TTC7B: variants seen among roughly 807,000 people sequenced by gnomAD.
The protein encoded by TTC7B is tetratricopeptide repeat domain 7B.
TTC7B carries 28 observed loss-of-function variants against 106.8 expected under a neutral mutation model. That is an observed-to-expected ratio of 0.26 (90% CI 0.19 to 0.36). TTC7B has a LOEUF of 0.36. Ranked by LOEUF, TTC7B falls within the 10% of genes least tolerant of loss-of-function variation. The pLI, the probability that TTC7B is intolerant of heterozygous loss-of-function variation, is 1.00. For missense variants in TTC7B, 862 were observed against 1,076.4 expected, an observed-to-expected ratio of 0.80 and a Z score of 2.79; for synonymous variants, 405 against 430.6, an observed-to-expected ratio of 0.94 and a Z score of 0.74.
chr14:90,699,873 C>T (rs1887917325), intron 5 of TTC7B, among the ~76,000 whole-genome samples: 1 of 152,194 alleles, frequency 6.6e-6, no homozygotes, highest in African/African-American at 2.4e-5. Context: ...GATGGCTTCA[C>T]ATCCCCACAA....
intron 19 of TTC7B, among the ~76,000 whole-genome samples, chr14:90,555,828 C>A (rs1890276254): frequency 6.6e-6 from 1 of 152,244 alleles, no homozygotes; most frequent in South Asian, 2.1e-4. Flanking sequence ...CGAAGGCAAG[C>A]TGAGAGCTGC....
At chr14:90,765,731 G>C (rs1890653444) in intron 3 of TTC7B, among the ~76,000 whole-genome samples, 1 of 152,174 alleles carries the variant, frequency 6.6e-6, no homozygotes, top group Non-Finnish European at 1.5e-5. Context: ...CAAATATAAA[G>C]CTTGCAGGAG....
At chr14:90,760,359 T>G (rs1350168520) in intron 3 of TTC7B, among the ~76,000 whole-genome samples, 1 of 152,088 alleles carries the variant, frequency 6.6e-6, no homozygotes, top group Non-Finnish European at 1.5e-5. Flanking sequence ...TCTGCAGAGG[T>G]GCATGCCATA....
intron 15 of TTC7B, among the ~76,000 whole-genome samples, chr14:90,641,932 T>TGC (rs67276326): frequency 2.3e-5 from 3 of 131,376 alleles, no homozygotes; most frequent in African/African-American, 1.1e-4. Context: ...TGTGTGTGTG[T>TGC]GCGTGTGTGT....
intron 7 of TTC7B, among the ~76,000 whole-genome samples, chr14:90,688,501 T>C (rs1007785075): frequency 5.9e-5 from 9 of 151,988 alleles, no homozygotes; most frequent in South Asian, 2.1e-4. Context: ...CACGCACCTG[T>C]AGTCCCAGCT....
intron 1 of TTC7B, among the ~76,000 whole-genome samples, chr14:90,815,106 A>G (rs1960297874): frequency 6.6e-6 from 1 of 152,236 alleles, no homozygotes; most frequent in South Asian, 2.1e-4. Context: ...CAGCCCCGCC[A>G]TCCATTCATT....
Position 90,691,139 on chromosome 14 carries a change from C to T in TTC7B, c.778-1427G>A, listed in dbSNP as rs186469151. 3.8e-3 allele frequency among the ~76,000 whole-genome samples: 578 copies of T among 152,074 alleles called. 2 individuals carry two copies. Among genetic ancestry groups the T allele is most frequent in the Middle Eastern group, 6.8e-3 (2 of 292 alleles). ...GACTTTTGCTGGAAACTTCAACTGGCAAAAATAACTTCCACTCACTATAGC... is the reference window on the plus strand; with the variant it reads ...GACTTTTGCTGGAAACTTCAACTGGTAAAAATAACTTCCACTCACTATAGC... On this transcript the variant is annotated intron_variant, in intron 6 of 19. Coordinates refer to ENST00000328459, the MANE Select transcript of TTC7B (RefSeq NM_001010854.2).
chr14:90,603,354 G>GA (rs1165687955), intron 17 of TTC7B: 45 of 1,232,880 alleles, frequency 3.6e-5, no homozygotes, highest in Non-Finnish European at 4.7e-5. Flanking sequence ...CAAAACATTT[G>GA]AAAAATCAAA....
At chr14:90,810,848 C>T (rs1161606078) in intron 1 of TTC7B, among the ~76,000 whole-genome samples, 1 of 152,212 alleles carries the variant, frequency 6.6e-6, no homozygotes, top group African/African-American at 2.4e-5. Flanking sequence ...GGCTTTTGAT[C>T]TGCAGAGAGG....
In TTC7B at chr14:90,814,353, T is replaced by C. The variant is rs10146001; in HGVS notation, c.121+1822A>G. ...ATCTGCCTGTCATTCTCAATCACATTAACTCATCTGTTTTGTTTCAATCAC... is the reference window on the plus strand; with the variant it reads ...ATCTGCCTGTCATTCTCAATCACATCAACTCATCTGTTTTGTTTCAATCAC... On this transcript the variant is annotated intron_variant, in intron 1 of 19. Transcript: ENST00000328459. Among the ~76,000 whole-genome samples the C allele has an allele frequency of 8.7e-3, 1,328 of 152,292 alleles. 22 individuals are homozygous for C. The highest frequency in any genetic ancestry group is 0.03 in the African/African-American group (1,251 of 41,544).
At position 90,742,246 on chromosome 14, in the gene TTC7B, CCTTT is replaced by C. The variant is rs1042393712; in HGVS notation, c.576+2542_576+2545del. On this transcript the variant is annotated intron_variant, in intron 4 of 19. Coordinates refer to ENST00000328459, the MANE Select transcript of TTC7B (RefSeq NM_001010854.2). This position sits in a 1 kb window ranked among gnomAD's most constrained non-coding sequence, Gnocchi z 4.1. ...CGTTTCGTTCGCTTCTTTCTTTCTTCCTTTCTTTCTTTTTTTTCTTTTGTTTCTC... is the reference window on the plus strand; with the variant it reads ...CGTTTCGTTCGCTTCTTTCTTTCTTCCTTTCTTTTTTTTCTTTTGTTTCTC... 1.9e-4 allele frequency among the ~76,000 whole-genome samples: 29 copies of C among 151,064 alleles called. No homozygotes were observed. The highest frequency in any genetic ancestry group is 4.1e-4 in the African/African-American group (17 of 41,410).
At position 90,546,488 on chromosome 14, in the gene TTC7B, C is replaced by T. The variant is rs1050561614; in HGVS notation, c.2311-4899G>A. Among the ~76,000 whole-genome samples the T allele has an allele frequency of 5.3e-5, 8 of 152,232 alleles. No homozygotes were observed. The South Asian group carries it at 6.2e-4, about 12-fold the overall frequency. ...TGTCAGCCAACGTGTTTCTGCAGGA[C>T]GCAGCCCCAGCCCCCTCCTGCCTCC... On this transcript the variant is annotated intron_variant, in intron 19 of 19. Transcript: ENST00000328459.
In TTC7B at chr14:90,805,045, G is replaced by T. The variant is rs1273345125; in HGVS notation, c.121+11130C>A. Among the ~76,000 whole-genome samples the T allele has an allele frequency of 6.6e-6, 1 of 152,150 alleles. No individual in the cohort carries two copies. The highest frequency in any genetic ancestry group is 1.5e-5 in the Non-Finnish European group (1 of 68,024). ...ACTCACCCGGAGCCCCAGGCAGGCA[G>T]GGCTACACAGCCACCCTGGAGATGA... On this transcript the variant is annotated intron_variant, in intron 1 of 19. Coordinates refer to ENST00000328459, the MANE Select transcript of TTC7B (RefSeq NM_001010854.2). This position sits in a 1 kb window ranked among gnomAD's most constrained non-coding sequence, Gnocchi z 4.0.
rs989974305 is a variant in TTC7B at position 90,780,863 on chromosome 14, T to A, written c.320A>T (p.Asn107Ile). 17 of 1,614,240 alleles carry A rather than the reference T, an allele frequency of 1.1e-5. No individual in the cohort carries two copies. The highest frequency in any genetic ancestry group is 1.4e-5 in the Non-Finnish European group (17 of 1,180,042). The change falls in exon 3 of 20, where the codon AAT becomes ATT. Residue 107 changes from asparagine to isoleucine, a missense_variant. Coordinates refer to ENST00000328459, the MANE Select transcript of TTC7B (RefSeq NM_001010854.2). Reference sequence around the variant, plus strand: ...TTCTTTATAATCACCTTCCACATAATTCAACTTGGCCATGATCAGATTGGA... The same window carrying A: ...TTCTTTATAATCACCTTCCACATAAATCAACTTGGCCATGATCAGATTGGA... The part of the protein sequence containing the change: ...QESNLIMAKL[N>I]YVEGDYKEAL...
At chr14:90,702,306 T>C (rs1675389066) in intron 5 of TTC7B, among the ~76,000 whole-genome samples, 2 of 152,202 alleles carry the variant, frequency 1.3e-5, no homozygotes, top group Admixed American at 1.3e-4. Context: ...TGGGTAACTG[T>C]ACCCACCTCA....
intron 1 of TTC7B, among the ~76,000 whole-genome samples, chr14:90,789,230 C>T (rs1891495301): frequency 6.6e-6 from 1 of 152,068 alleles, no homozygotes; most frequent in African/African-American, 2.4e-5. Context: ...TCCAGAGTAG[C>T]TGGGATTACA....
At chr14:90,815,919 G>A (rs1054449527) in intron 1 of TTC7B, among the ~76,000 whole-genome samples, 9 of 151,728 alleles carry the variant, frequency 5.9e-5, no homozygotes, top group Non-Finnish European at 1.3e-4. Flanking sequence ...CCCAGACTCC[G>A]CAGAAGCCCG....
intron 4 of TTC7B, among the ~76,000 whole-genome samples, chr14:90,741,002 T>C (rs1889739638): frequency 6.6e-6 from 1 of 152,160 alleles, no homozygotes; most frequent in South Asian, 2.1e-4. Flanking sequence ...AGCAGCCTCA[T>C]GGCAACTAGG....
At chr14:90,565,368 T>C (rs1444447978) in intron 19 of TTC7B, among the ~76,000 whole-genome samples, 1 of 151,644 alleles carries the variant, frequency 6.6e-6, no homozygotes, top group Non-Finnish European at 1.5e-5. Context: ...GCTTTTGACA[T>C]GCCTTCCTCA....
Sources: allele counts gnomAD v4.1 joint callset (sites outside exome capture counted in the v4.1 genomes callset), GRCh38; gene constraint gnomAD v4.1.1; non-coding constraint Gnocchi (gnomAD v3.1); transcripts MANE v1.5; gene names NCBI Gene and HGNC (gene_info 2026-07-23, HGNC 2026-07-21).